ARHGEF11: variants seen among roughly 807,000 people sequenced by gnomAD.
ARHGEF11 encodes Rho guanine nucleotide exchange factor 11.
In ARHGEF11, 55 loss-of-function variants were observed where a neutral mutation model predicts 193.7. That is an observed-to-expected ratio of 0.28 (90% CI 0.23 to 0.36). The LOEUF (loss-of-function observed/expected upper bound fraction) is 0.36, where lower values mean the gene tolerates loss of function less well. Ranked by LOEUF, ARHGEF11 falls within the 10% of genes least tolerant of loss-of-function variation. The pLI, the probability that ARHGEF11 is intolerant of heterozygous loss-of-function variation, is 1.00. For missense variants in ARHGEF11, 1,723 were observed against 2,005.6 expected (o/e 0.86, Z 2.69); for synonymous variants, 693 against 768.0 (o/e 0.90, Z 1.62).
At chr1:157,033,880 A>G (rs557365165) in intron 1 of ARHGEF11, among the ~76,000 whole-genome samples, 10 of 152,162 alleles carry the variant, frequency 6.6e-5, no homozygotes, top group Non-Finnish European at 1.0e-4. Context: ...TGTCTCTCCC[A>G]GTGCTTCAAC....
intron 10 of ARHGEF11, 131 bp downstream of exon 10, chr1:156,969,151 A>G (rs1662158553): frequency 7.0e-6 from 5 of 714,768 alleles, no homozygotes; most frequent in Non-Finnish European, 1.2e-5. Context: ...CACAGTGATT[A>G]TATCCTTGGA....
chr1:156,941,161 G>C (rs1330809743), intron 35 of ARHGEF11, among the ~76,000 whole-genome samples: 2 of 152,086 alleles, frequency 1.3e-5, no homozygotes, highest in African/African-American at 4.8e-5. Context: ...TTTCTGGTCA[G>C]GTGAGCGAGT....
At chr1:157,029,702 T>C (rs771754651) in intron 1 of ARHGEF11, among the ~76,000 whole-genome samples, 6 of 152,132 alleles carry the variant, frequency 3.9e-5, no homozygotes, top group Non-Finnish European at 7.3e-5. Context: ...CAAATGTTAA[T>C]AGCAGTATTA....
chr1:156,997,336 A>T (rs1258035478), intron 1 of ARHGEF11, among the ~76,000 whole-genome samples: 2 of 152,230 alleles, frequency 1.3e-5, no homozygotes, highest in Non-Finnish European at 2.9e-5. Context: ...AAGACAGGTT[A>T]TGGAGGGCCT....
intron 1 of ARHGEF11, among the ~76,000 whole-genome samples, chr1:157,029,252 T>C (rs1671011508): frequency 1.7e-5 from 1 of 59,242 alleles, no homozygotes; most frequent in Non-Finnish European, 3.6e-5. Context: ...TGCAACCACT[T>C]TGGTGGTTTT....
intron 1 of ARHGEF11, among the ~76,000 whole-genome samples, chr1:156,997,851 TA>T (rs567888007): frequency 1.5e-4 from 23 of 151,896 alleles, no homozygotes; most frequent in African/African-American, 3.9e-4. Context: ...TCACCTGTAT[TA>T]TTTTTTTTTT....
Position 156,961,638 on chromosome 1 carries a change from AATATGATAAAATTATAATCCAAT to A in ARHGEF11, c.1239+16_1239+38del. On this transcript the variant is annotated intron_variant, in intron 14 of 40. Transcript: ENST00000368194. ...TTCCCTGCCTCTGAGTAGTTCAAAG[AATATGATAAAATTATAATCCAAT>A]CTATGACTGCCTTACCGCATTTTTC... The A allele has an allele frequency of 6.3e-7, 1 of 1,582,072 alleles. No individual in the cohort carries two copies. Among genetic ancestry groups the A allele is most frequent in the Non-Finnish European group, 8.7e-7 (1 of 1,150,968 alleles).
At chr1:156,978,698 T>A (rs1321903057) in intron 5 of ARHGEF11, among the ~76,000 whole-genome samples, 1 of 152,230 alleles carries the variant, frequency 6.6e-6, no homozygotes, top group Non-Finnish European at 1.5e-5. Context: ...AGTGTCACAC[T>A]CTGAGCATAC....
chr1:156,936,099 G>A (rs1655018148), intron 40 of ARHGEF11, 41 bp from the exon 41 acceptor site: 1 of 1,591,188 alleles, frequency 6.3e-7, no homozygotes, highest in East Asian at 2.2e-5. Context: ...GCCAGCCTGA[G>A]GTGACCGCTT....
intron 11 of ARHGEF11, among the ~76,000 whole-genome samples, chr1:156,964,562 A>AC (rs564675929): frequency 1.3e-5 from 2 of 151,982 alleles, no homozygotes; most frequent in South Asian, 2.1e-4. Flanking sequence ...GATGCTCCTC[A>AC]CCCCTTTTTT....
rs1004503878 is a variant in ARHGEF11 at position 156,948,136 on chromosome 1, GAC to G, written c.2153+43_2153+44del. ...GAGAGGAGCAGCTGGGTGTGGATGG[GAC>G]ACAGAGACACCAAACAGAGGCACCA... is the stretch of plus-strand genomic sequence containing the variant. On this transcript the variant is annotated intron_variant, in intron 24 of 40. Coordinates refer to ENST00000368194, the MANE Select transcript of ARHGEF11 (RefSeq NM_198236.3). This position sits in a 1 kb window ranked among gnomAD's most constrained non-coding sequence, Gnocchi z 4.2. 1.1e-5 allele frequency: 17 copies of G among 1,544,128 alleles called. No homozygotes were observed. The highest frequency in any genetic ancestry group is 1.8e-4 in the Middle Eastern group (1 of 5,430).
At chr1:156,969,423 T>C in intron 9 of ARHGEF11, 65 bp from the exon 10 acceptor site, 7 of 1,472,652 alleles carry the variant, frequency 4.8e-6, no homozygotes, top group Non-Finnish European at 6.5e-6. Context: ...GAGCCTTTAT[T>C]CTGGGCACCT....
In ARHGEF11 at chr1:156,969,362, A is replaced by T. The variant is rs750700288; in HGVS notation, c.749-4T>A. ...TGGGAATCCAGAGAGAGCCGGCCTG[A>T]GAAGAAAATAGTTTCTATAACACAG... is the stretch of plus-strand genomic sequence containing the variant. On this transcript the variant is annotated splice_polypyrimidine_tract_variant and splice_region_variant and intron_variant, in intron 9 of 40. Coordinates refer to ENST00000368194, the MANE Select transcript of ARHGEF11 (RefSeq NM_198236.3). The T allele has an allele frequency of 3.1e-6, 5 of 1,602,046 alleles. No homozygotes were observed. Among genetic ancestry groups the T allele is most frequent in the East Asian group, 2.2e-5 (1 of 44,590 alleles).
Position 157,045,453 on chromosome 1 carries a change from T to C in ARHGEF11, c.-1123A>G, listed in dbSNP as rs1673218813. 6.6e-6 allele frequency: 1 copy of C among 152,252 alleles called. No homozygotes were observed. 9.4% of individuals were successfully genotyped at this position (152,252 alleles called of 1,614,324 possible). A position where few individuals can be genotyped will look rare whatever the true frequency, so the allele number is the denominator to read the frequency against. ...TTATTATTCGTTCGGATTATTATTGTGGATTTGAGTTCGAGGTGGGTTTTT... is the reference window on the plus strand; with the variant it reads ...TTATTATTCGTTCGGATTATTATTGCGGATTTGAGTTCGAGGTGGGTTTTT... On this transcript the variant is annotated 5_prime_UTR_variant, in exon 1 of 41. Coordinates refer to ENST00000368194, the MANE Select transcript of ARHGEF11 (RefSeq NM_198236.3).
intron 19 of ARHGEF11, 42 bp downstream of exon 19, chr1:156,956,378 G>A: frequency 6.2e-7 from 1 of 1,608,184 alleles, no homozygotes; most frequent in Non-Finnish European, 8.5e-7. Flanking sequence ...GCATTCCAAA[G>A]TACTAGGATT....
chr1:157,015,972 G>C (rs922754323), intron 1 of ARHGEF11, among the ~76,000 whole-genome samples: 1 of 152,314 alleles, frequency 6.6e-6, no homozygotes. Context: ...AGAGTGATGT[G>C]ATGACTACTG....
At chr1:156,980,292 C>T in intron 4 of ARHGEF11, 145 bp downstream of exon 4, 1 of 900,044 alleles carries the variant, frequency 1.1e-6, no homozygotes, top group Non-Finnish European at 1.7e-6. Context: ...TACCACTGTG[C>T]TCCCTCGTAT....
chr1:157,043,649 G>C (rs967684054), intron 1 of ARHGEF11, among the ~76,000 whole-genome samples: 5 of 152,318 alleles, frequency 3.3e-5, no homozygotes, highest in Admixed American at 3.3e-4. Flanking sequence ...TAAACCTAGA[G>C]CATCAGCCGG....
At chr1:157,030,427 T>TA (rs1410526517) in intron 1 of ARHGEF11, among the ~76,000 whole-genome samples, 3 of 152,126 alleles carry the variant, frequency 2.0e-5, no homozygotes, top group Non-Finnish European at 2.9e-5. Flanking sequence ...ATCCTCTTCT[T>TA]AGACAGTGAA....
Sources: gnomAD v4.1 joint callset for allele counts (sites outside exome capture counted in the v4.1 genomes callset) on GRCh38, gnomAD v4.1.1 for gene constraint, Gnocchi (gnomAD v3.1) non-coding constraint, MANE v1.5 for transcripts, NCBI Gene and HGNC (gene_info 2026-07-23, HGNC 2026-07-21) for gene names.